ADAMTS2: variants seen among roughly 807,000 people sequenced by gnomAD.
ADAMTS2 encodes A disintegrin and metalloproteinase with thrombospondin motifs 2.
In ADAMTS2, 50 loss-of-function variants were observed where a neutral mutation model predicts 123.0. The ratio of observed to expected loss-of-function variants is 0.41; its 90% CI spans 0.32 to 0.51. The LOEUF is 0.51. Ranked by LOEUF, ADAMTS2 falls within the 20% of genes least tolerant of loss-of-function variation. The pLI is 0.35. For synonymous variants in ADAMTS2, 678 were observed against 695.4 expected (o/e 0.98, Z 0.39); for missense variants, 1,494 against 1,705.2 (o/e 0.88, Z 2.18).
chr5:179,283,549 C>CAAAAAAAAAAAA (rs3986816), intron 2 of ADAMTS2, among the ~76,000 whole-genome samples: 9 of 51,336 alleles, frequency 1.8e-4, no homozygotes, highest in African/African-American at 5.7e-4. Context: ...AGAAAAACAG[C>CAAAAAAAAAAAA]AAAAAAAAAA....
rs1765252508 is a variant in ADAMTS2 at position 179,225,215 on chromosome 5, A to T, written c.689-17500T>A. 6.6e-6 allele frequency among the ~76,000 whole-genome samples: 1 copy of T among 152,210 alleles called. No homozygotes were observed. Among genetic ancestry groups the T allele is most frequent in the Admixed American group, 6.5e-5 (1 of 15,278 alleles). On this transcript the variant is annotated intron_variant, in intron 3 of 21. Coordinates refer to ENST00000251582, the MANE Select transcript of ADAMTS2 (RefSeq NM_014244.5). This position sits in a 1 kb window ranked among gnomAD's most constrained non-coding sequence, Gnocchi z 4.5. Reference sequence around the variant, plus strand: ...GCCCCGCACAGCCAAGGGCTCACCCACATCATGTGCGCTTCAGACAAAGGA... The same window carrying T: ...GCCCCGCACAGCCAAGGGCTCACCCTCATCATGTGCGCTTCAGACAAAGGA...
chr5:179,173,212 T>TTAATAATAA (rs71589488), intron 5 of ADAMTS2, among the ~76,000 whole-genome samples: 2,975 of 145,154 alleles, frequency 0.02, 105 homozygotes, highest in African/African-American at 0.072. Flanking sequence ...ACCCCATCTC[T>TTAATAATAA]TAATAATAAT....
At chr5:179,289,637 G>A (rs1178437813) in intron 2 of ADAMTS2, among the ~76,000 whole-genome samples, 1 of 152,144 alleles carries the variant, frequency 6.6e-6, no homozygotes, top group Non-Finnish European at 1.5e-5. Flanking sequence ...ACTCATCTGA[G>A]ACCTGAAAAA....
At position 179,158,686 on chromosome 5, in the gene ADAMTS2, C is replaced by G. The variant is rs1561782964; in HGVS notation, c.1132+37G>C. 6.2e-7 allele frequency: 1 copy of G among 1,613,752 alleles called. No homozygotes were observed. The highest frequency in any genetic ancestry group is 1.7e-5 in the Admixed American group (1 of 60,028). ...TGCATGGCCAGGGGCTCATTTCCAGCTTCACGCCTCTGTGGCCCTGCATGG... is the reference window on the plus strand; with the variant it reads ...TGCATGGCCAGGGGCTCATTTCCAGGTTCACGCCTCTGTGGCCCTGCATGG... On this transcript the variant is annotated intron_variant, in intron 6 of 21. Coordinates refer to ENST00000251582, the MANE Select transcript of ADAMTS2 (RefSeq NM_014244.5). This position sits in a 1 kb window ranked among gnomAD's most constrained non-coding sequence, Gnocchi z 5.0.
At chr5:179,337,750 T>C (rs1026884096) in intron 2 of ADAMTS2, among the ~76,000 whole-genome samples, 1 of 152,202 alleles carries the variant, frequency 6.6e-6, no homozygotes, top group African/African-American at 2.4e-5. Flanking sequence ...AAAGCCAGCC[T>C]CGCTGCTGAG....
intron 21 of ADAMTS2, among the ~76,000 whole-genome samples, chr5:179,120,016 G>A (rs1422826077): frequency 6.6e-6 from 1 of 152,032 alleles, no homozygotes; most frequent in Non-Finnish European, 1.5e-5. Context: ...CAGGGGGAGG[G>A]GCCCTAAATA....
rs146343937 is a variant in ADAMTS2 at position 179,304,717 on chromosome 5, C to T, written c.535-31653G>A. ...AGCCTTAGAGACTGTGGGAAAATACCGAAAGATCTAACTAACAGTCATGTC... is the reference window on the plus strand; with the variant it reads ...AGCCTTAGAGACTGTGGGAAAATACTGAAAGATCTAACTAACAGTCATGTC... On this transcript the variant is annotated intron_variant, in intron 2 of 21. Transcript: ENST00000251582. Among the ~76,000 whole-genome samples, 702 of 152,018 alleles carry T rather than the reference C, an allele frequency of 4.6e-3. 4 individuals are homozygous for T. The highest frequency in any genetic ancestry group is 0.016 in the African/African-American group (657 of 41,454).
chr5:179,277,113 C>G (rs1348453063), intron 2 of ADAMTS2, among the ~76,000 whole-genome samples: 2 of 152,132 alleles, frequency 1.3e-5, no homozygotes, highest in Non-Finnish European at 2.9e-5. Flanking sequence ...CCTCGGAGGG[C>G]ACAGGAGCAC....
chr5:179,323,841 A>G lies in ADAMTS2; in HGVS notation c.534+19926T>C, dbSNP rs148526263. 4.6e-5 allele frequency among the ~76,000 whole-genome samples: 7 copies of G among 152,376 alleles called. No homozygotes were observed. In the East Asian group the frequency reaches 1.2e-3, roughly 25 times the overall value. Reference sequence around the variant, plus strand: ...TTAAAAGCACACAAAAAAGTTTTACATGAATGTTCCTGGCAGCATTATTCA... The same window carrying G: ...TTAAAAGCACACAAAAAAGTTTTACGTGAATGTTCCTGGCAGCATTATTCA... On this transcript the variant is annotated intron_variant, in intron 2 of 21. Transcript: ENST00000251582.
In ADAMTS2 at chr5:179,158,674, G is replaced by C. The variant is rs369481396; in HGVS notation, c.1132+49C>G. ...CCCGGGGCCCCTTGCATGGCCAGGG[G>C]CTCATTTCCAGCTTCACGCCTCTGT... On this transcript the variant is annotated intron_variant, in intron 6 of 21. Transcript: ENST00000251582. The surrounding 1 kb of genome is among the most constrained non-coding windows in gnomAD (Gnocchi z 5.0). 1 of 1,613,016 alleles carries C rather than the reference G, an allele frequency of 6.2e-7. No homozygotes were observed. Among genetic ancestry groups the C allele is most frequent in the Non-Finnish European group, 8.5e-7 (1 of 1,179,800 alleles).
intron 2 of ADAMTS2, among the ~76,000 whole-genome samples, chr5:179,328,876 G>A (rs757874316): frequency 4.6e-5 from 7 of 152,158 alleles, no homozygotes; most frequent in African/African-American, 9.6e-5. Context: ...TGAAGATGTC[G>A]TTCATTTGTT....
Position 179,117,158 on chromosome 5 carries a change from C to T in ADAMTS2, c.3179-2834G>A, listed in dbSNP as rs1175933705. Among the ~76,000 whole-genome samples, 3 of 152,190 alleles carry T rather than the reference C, an allele frequency of 2.0e-5. No homozygotes were observed. Among genetic ancestry groups the T allele is most frequent in the African/African-American group, 7.2e-5 (3 of 41,454 alleles). On this transcript the variant is annotated intron_variant, in intron 21 of 21. Transcript: ENST00000251582. This position sits in a 1 kb window ranked among gnomAD's most constrained non-coding sequence, Gnocchi z 4.2. ...TCCCATCCCTGCCCCACCCCATCCT[C>T]TCCAGCAGCCTGGTTTGTGAAACCA...
chr5:179,313,777 A>C (rs4701093), intron 2 of ADAMTS2, among the ~76,000 whole-genome samples: 382 of 13,664 alleles, frequency 0.028, 16 homozygotes, highest in African/African-American at 0.043. Flanking sequence ...GGGACGCACA[A>C]GCATTCACAC....
At position 179,166,798 on chromosome 5, in the gene ADAMTS2, G is replaced by C. The variant is rs576148856; in HGVS notation, c.976-7919C>G. Among the ~76,000 whole-genome samples, 27 of 152,326 alleles carry C rather than the reference G, an allele frequency of 1.8e-4. No homozygotes were observed. The South Asian group carries it at 5.6e-3, about 32-fold the overall frequency. ...TCCTTGAGGGCCGGGTGGTTGCTGG[G>C]CCCGAGTCTGTGCCCCAGCCCTGGC... is the stretch of plus-strand genomic sequence containing the variant. On this transcript the variant is annotated intron_variant, in intron 5 of 21. Transcript: ENST00000251582.
chr5:179,302,506 G>A (rs1756558473), intron 2 of ADAMTS2, among the ~76,000 whole-genome samples: 1 of 151,684 alleles, frequency 6.6e-6, no homozygotes, highest in African/African-American at 2.4e-5. Flanking sequence ...CCAGGAAGGA[G>A]CCCTGAGGAC....
At position 179,121,754 on chromosome 5, in the gene ADAMTS2, G is replaced by A; in HGVS notation, c.3089-4C>T. The A allele has an allele frequency of 6.4e-7, 1 of 1,553,616 alleles. No homozygotes were observed. Among genetic ancestry groups the A allele is most frequent in the Non-Finnish European group, 8.7e-7 (1 of 1,145,540 alleles). On this transcript the variant is annotated splice_polypyrimidine_tract_variant and splice_region_variant and intron_variant, in intron 20 of 21. Coordinates refer to ENST00000251582, the MANE Select transcript of ADAMTS2 (RefSeq NM_014244.5). ...TTGGAGGGATCTGAGATGTTTCCTA[G>A]AGGGAGGAGAGAGGGGCTGCGGCCG...
Position 179,125,098 on chromosome 5 carries a change from G to T in ADAMTS2, c.2833C>A (p.Pro945Thr). Residue 945 changes from proline to threonine, a missense_variant, in exon 19 of 22, where the codon CCG becomes ACG. Around this residue, in one of 6 missense-constraint regions of ADAMTS2, gnomAD observed 953 missense variants for 1,124.7 expected, o/e 0.85. Transcript: ENST00000251582. Reference protein sequence around the residue: ...MQVRSVRCIQPLHDNTTRSVH... With the variant: ...MQVRSVRCIQTLHDNTTRSVH... The stretch of plus-strand genomic sequence containing the variant: ...GAGCGGGTGGTGTTGTCGTGTAGCG[G>T]CTGAATGCAGCGCACGGAGCGCACC... The T allele has an allele frequency of 1.2e-6, 2 of 1,612,892 alleles. No individual in the cohort carries two copies. The highest frequency in any genetic ancestry group is 1.7e-6 in the Non-Finnish European group (2 of 1,179,890).
chr5:179,302,230 G>A (rs1756544502), intron 2 of ADAMTS2, among the ~76,000 whole-genome samples: 1 of 151,956 alleles, frequency 6.6e-6, no homozygotes, highest in Non-Finnish European at 1.5e-5. Context: ...GGGAGGCTGA[G>A]GTGGGCGGAT....
intron 2 of ADAMTS2, among the ~76,000 whole-genome samples, chr5:179,288,350 C>T (rs1285524711): frequency 1.3e-5 from 2 of 152,244 alleles, no homozygotes; most frequent in African/African-American, 4.8e-5. Flanking sequence ...AGGCTGTCTG[C>T]TTCCCCTTCT....
Sources: allele counts gnomAD v4.1 joint callset (sites outside exome capture counted in the v4.1 genomes callset), GRCh38; gene constraint gnomAD v4.1.1; regional missense constraint gnomAD v4.1.1; non-coding constraint Gnocchi (gnomAD v3.1); transcripts MANE v1.5; gene names NCBI Gene and HGNC (gene_info 2026-07-23, HGNC 2026-07-21).